The following PLCG2 variants were observed in gnomAD, a reference collection of about 807,000 sequenced individuals.
PLCG2 encodes phospholipase C gamma 2.
In PLCG2, 69 loss-of-function variants were observed where a neutral mutation model predicts 175.6. The ratio of observed to expected loss-of-function variants is 0.39; its 90% CI spans 0.32 to 0.48. The LOEUF is 0.48. Among genes scored for constraint, PLCG2 ranks in the 20% least tolerant of loss-of-function variants. The pLI, the probability that PLCG2 is intolerant of heterozygous loss-of-function variation, is 0.91. For synonymous variants in PLCG2, 827 were observed against 624.0 expected, an observed-to-expected ratio of 1.33 and a Z score of -4.85; for missense variants, 1,798 against 1,650.9, an observed-to-expected ratio of 1.09 and a Z score of -1.54.
intron 28 of PLCG2, 168 bp from the exon 29 acceptor site, chr16:81,938,633 C>G: frequency 1.7e-6 from 1 of 597,184 alleles, no homozygotes; most frequent in Non-Finnish European, 3.0e-6. Context: ...CTACCACAGT[C>G]CACCTTCATC....
upstream of PLCG2, among the ~76,000 whole-genome samples, chr16:81,775,023 G>T (rs1418739208): frequency 1.3e-5 from 2 of 152,080 alleles, no homozygotes; most frequent in East Asian, 3.9e-4. Flanking sequence ...TGAGATTACA[G>T]GTATGAGCCA....
intron 2 of PLCG2, among the ~76,000 whole-genome samples, chr16:81,822,726 A>T (rs2143342044): frequency 8.0e-6 from 1 of 124,664 alleles, no homozygotes; most frequent in African/African-American, 3.0e-5. Context: ...ATGCCGCTGC[A>T]CTCCAGCCTG....
At chr16:81,855,325 C>T (rs551277164) in intron 3 of PLCG2, among the ~76,000 whole-genome samples, 1 of 152,276 alleles carries the variant, frequency 6.6e-6, no homozygotes, top group East Asian at 1.9e-4. Flanking sequence ...GCACTTTCCT[C>T]ACTTTACTCA....
At chr16:81,820,556 C>G (rs1156532401) in intron 2 of PLCG2, among the ~76,000 whole-genome samples, 1 of 152,244 alleles carries the variant, frequency 6.6e-6, no homozygotes, top group African/African-American at 2.4e-5. Flanking sequence ...TGCCTACTCC[C>G]CCATTCTCCT....
intron 10 of PLCG2, among the ~76,000 whole-genome samples, chr16:81,891,165 A>G (rs1050000551): frequency 1.3e-5 from 2 of 152,204 alleles, no homozygotes; most frequent in African/African-American, 4.8e-5. Flanking sequence ...TCAGTGTGAA[A>G]AAACAAAGAA....
chr16:81,886,923 G>A (rs933630139), intron 9 of PLCG2, among the ~76,000 whole-genome samples: 8 of 152,120 alleles, frequency 5.3e-5, no homozygotes, highest in African/African-American at 1.9e-4. Context: ...CCTACACCAA[G>A]TGGATGCATT....
At position 81,904,350 on chromosome 16, in the gene PLCG2, G is replaced by C. The variant is rs1217873890; in HGVS notation, c.1363-1053G>C. Among the ~76,000 whole-genome samples, 4 of 152,194 alleles carry C rather than the reference G, an allele frequency of 2.6e-5. No homozygotes were observed. The East Asian group carries it at 7.7e-4, about 29-fold the overall frequency. ...GTAATAGGCCCTGAATTCAAATCTG[G>C]ATCTGACCCCCTATCCTGAGCTCCT... On this transcript the variant is annotated intron_variant, in intron 14 of 32. Coordinates refer to ENST00000564138, the MANE Select transcript of PLCG2 (RefSeq NM_002661.5).
chr16:81,758,429 T>G (rs1424794325), intron 2 of PLCG2, among the ~76,000 whole-genome samples: 1 of 152,226 alleles, frequency 6.6e-6, no homozygotes, highest in Non-Finnish European at 1.5e-5. Flanking sequence ...TGCCTCTCCT[T>G]TTGGCTATTA....
chr16:81,894,475 G>A (rs987574925), intron 12 of PLCG2, among the ~76,000 whole-genome samples: 1 of 152,076 alleles, frequency 6.6e-6, no homozygotes, highest in Non-Finnish European at 1.5e-5. Flanking sequence ...TGCCTGGGCA[G>A]ATGGCAGACG....
intron 31 of PLCG2, among the ~76,000 whole-genome samples, chr16:81,953,208 G>C (rs892234672): frequency 1.1e-4 from 17 of 152,346 alleles, no homozygotes; most frequent in African/African-American, 3.6e-4. Context: ...ATGACTAAAG[G>C]TTCTGTGGGA....
At chr16:81,925,895 A>G (rs11648862) in intron 22 of PLCG2, among the ~76,000 whole-genome samples, 2 of 51,054 alleles carry the variant, frequency 3.9e-5, no homozygotes, top group African/African-American at 6.8e-5. Flanking sequence ...CAAAAAAAAA[A>G]AAAAAAAAAT....
chr16:81,900,111 C>CCT (rs1909082238), intron 13 of PLCG2, among the ~76,000 whole-genome samples: 1 of 151,910 alleles, frequency 6.6e-6, no homozygotes, highest in South Asian at 2.1e-4. Context: ...TGCATGCACA[C>CCT]ATGCAAATTA....
At chr16:81,839,078 T>C (rs2143416535) in intron 2 of PLCG2, among the ~76,000 whole-genome samples, 1 of 152,286 alleles carries the variant, frequency 6.6e-6, no homozygotes, top group Non-Finnish European at 1.5e-5. Context: ...TTTAATCATA[T>C]TGTCACGTTT....
Position 81,946,169 on chromosome 16 carries a change from C to T in PLCG2, c.3482-6C>T, listed in dbSNP as rs1245560581. ...CCTTTGCATTTTCCTCCTTGTTCTGCTTCAGGATTCAGGTCCGTTCCTCTG... is the reference window on the plus strand; with the variant it reads ...CCTTTGCATTTTCCTCCTTGTTCTGTTTCAGGATTCAGGTCCGTTCCTCTG... On this transcript the variant is annotated splice_region_variant and splice_polypyrimidine_tract_variant and intron_variant, in intron 30 of 32. Transcript: ENST00000564138. 1 of 1,611,640 alleles carries T rather than the reference C, an allele frequency of 6.2e-7. No homozygotes were observed. Among genetic ancestry groups the T allele is most frequent in the Admixed American group, 1.7e-5 (1 of 60,014 alleles).
intron 2 of PLCG2, among the ~76,000 whole-genome samples, chr16:81,759,824 T>G (rs1280126191): frequency 4.6e-5 from 7 of 152,226 alleles, no homozygotes; most frequent in Non-Finnish European, 2.9e-5. Flanking sequence ...GTTTTCTTTC[T>G]ATAGTTAAGA....
intron 2 of PLCG2, among the ~76,000 whole-genome samples, chr16:81,771,413 G>C (rs572116346): frequency 3.3e-5 from 5 of 152,276 alleles, no homozygotes; most frequent in African/African-American, 1.2e-4. Context: ...ACACAGCCTT[G>C]TTTTAGACAA....
chr16:81,799,576 C>A (rs1436382454), intron 2 of PLCG2, among the ~76,000 whole-genome samples: 2 of 151,404 alleles, frequency 1.3e-5, no homozygotes, highest in Non-Finnish European at 2.9e-5. Flanking sequence ...AGGTGCAAGC[C>A]ACTGAGCCTG....
intron 19 of PLCG2, among the ~76,000 whole-genome samples, chr16:81,917,198 A>G (rs1015653170): frequency 3.4e-5 from 5 of 147,826 alleles, no homozygotes; most frequent in African/African-American, 1.2e-4. Context: ...CTCCAGGTTC[A>G]TCCATGCTGT....
intron 9 of PLCG2, among the ~76,000 whole-genome samples, chr16:81,885,576 C>T (rs576758017): frequency 5.9e-5 from 9 of 152,286 alleles, no homozygotes; most frequent in Admixed American, 2.0e-4. Flanking sequence ...CCAGACTTTG[C>T]GTCATTTTGT....
Sources: allele counts gnomAD v4.1 joint callset (sites outside exome capture counted in the v4.1 genomes callset), GRCh38; gene constraint gnomAD v4.1.1; transcripts MANE v1.5; gene names NCBI Gene and HGNC (gene_info 2026-07-23, HGNC 2026-07-21).